COL24A1: variants seen among roughly 807,000 people sequenced by gnomAD.
The protein encoded by COL24A1 is collagen type XXIV alpha 1 chain, also known as collagen alpha-1(XXIV) chain.
A neutral mutation model predicts 253.9 loss-of-function variants in COL24A1; 224 were observed. The ratio of observed to expected loss-of-function variants is 0.88; its 90% CI spans 0.79 to 0.99. COL24A1 has a LOEUF of 0.99. Ranked by LOEUF, COL24A1 falls within the 50% of genes least tolerant of loss-of-function variation. The pLI, the probability that COL24A1 is intolerant of heterozygous loss-of-function variation, is 0.00. For synonymous variants in COL24A1, 685 were observed against 673.7 expected (o/e 1.02, Z -0.26); for missense variants, 2,131 against 2,068.5 (o/e 1.03, Z -0.59).
At chr1:85,767,690 C>A (rs1667523836) in intron 53 of COL24A1, among the ~76,000 whole-genome samples, 1 of 151,920 alleles carries the variant, frequency 6.6e-6, no homozygotes, top group African/African-American at 2.4e-5. Flanking sequence ...CTAAATGCCA[C>A]TGTGCCTATT....
rs535351189 is a variant in COL24A1, at chr1:85,987,259, T to C, written c.2364+342A>G. Among the ~76,000 whole-genome samples, 3 of 151,978 alleles carry C rather than the reference T, an allele frequency of 2.0e-5. No homozygotes were observed. The East Asian group carries it at 5.8e-4, about 29-fold the overall frequency. ...CTTTTATTTCAATCAATGGATATCTTATGTCCCCAAAAGATTTTTTTAGTG... is the reference window on the plus strand; with the variant it reads ...CTTTTATTTCAATCAATGGATATCTCATGTCCCCAAAAGATTTTTTTAGTG... On this transcript the variant is annotated intron_variant, in intron 20 of 59. Transcript: ENST00000370571.
chr1:85,971,314 C>G (rs757842097), intron 21 of COL24A1, 26 bp downstream of exon 21: 1 of 1,602,128 alleles, frequency 6.2e-7, no homozygotes, highest in South Asian at 1.1e-5. Flanking sequence ...CTTGCTGAAG[C>G]TGACTGGATA....
intron 37 of COL24A1, among the ~76,000 whole-genome samples, chr1:85,854,121 A>G (rs909263505): frequency 5.3e-5 from 8 of 152,206 alleles, no homozygotes; most frequent in African/African-American, 1.9e-4. Flanking sequence ...CATTTAATCC[A>G]TCTTAAATTG....
intron 24 of COL24A1, among the ~76,000 whole-genome samples, chr1:85,933,346 G>T (rs1687971708): frequency 6.9e-6 from 1 of 145,486 alleles, no homozygotes; most frequent in South Asian, 2.1e-4. Flanking sequence ...CTACGTTTTT[G>T]CTGTGTTTCA....
At chr1:86,049,485 C>T (rs1459546357) in intron 11 of COL24A1, among the ~76,000 whole-genome samples, 1 of 152,082 alleles carries the variant, frequency 6.6e-6, no homozygotes, top group Non-Finnish European at 1.5e-5. Flanking sequence ...TGACAATCTA[C>T]TAATATTGTT....
chr1:86,127,089 A>C (rs1289280761), intron 2 of COL24A1, among the ~76,000 whole-genome samples: 1 of 152,066 alleles, frequency 6.6e-6, no homozygotes, highest in Non-Finnish European at 1.5e-5. Context: ...CGCTTAAAGT[A>C]TTCTGGTTAC....
In COL24A1 at chr1:86,022,950, A is replaced by G; in HGVS notation, c.2103+4T>C. On this transcript the variant is annotated splice_donor_region_variant and intron_variant, in intron 15 of 59. Transcript: ENST00000370571. ...AAATATCCATTATACAAATAGAACC[A>G]TACCATTGGGCCAGGAATTCCAGCA... 1 of 1,613,324 alleles carries G rather than the reference A, an allele frequency of 6.2e-7. No homozygotes were observed. Among genetic ancestry groups the G allele is most frequent in the Non-Finnish European group, 8.5e-7 (1 of 1,179,526 alleles).
intron 1 of COL24A1, among the ~76,000 whole-genome samples, chr1:86,152,999 T>TCTCCAG (rs1004141719): frequency 6.6e-6 from 1 of 152,178 alleles, no homozygotes; most frequent in Non-Finnish European, 1.5e-5. Context: ...TCTGTTTATC[T>TCTCCAG]CTCCAGCTCC....
intron 57 of COL24A1, among the ~76,000 whole-genome samples, chr1:85,739,818 G>T (rs905004786): frequency 6.6e-6 from 1 of 151,500 alleles, no homozygotes; most frequent in Non-Finnish European, 1.5e-5. Context: ...CCCTACCCTC[G>T]TACCTTACTT....
chr1:86,004,389 A>AG (rs144407288), intron 19 of COL24A1, among the ~76,000 whole-genome samples: 1,651 of 152,286 alleles, frequency 0.011, 42 homozygotes, highest in African/African-American at 0.037. Context: ...TTTACATTGA[A>AG]GGAGGGGCAA....
intron 31 of COL24A1, among the ~76,000 whole-genome samples, chr1:85,889,844 G>A (rs555400203): frequency 9.2e-5 from 14 of 151,460 alleles, no homozygotes; most frequent in African/African-American, 1.9e-4. Flanking sequence ...TTGTGTAACC[G>A]TTACCAGAAC....
At chr1:86,068,316 C>A (rs541589337) in intron 7 of COL24A1, among the ~76,000 whole-genome samples, 1 of 152,336 alleles carries the variant, frequency 6.6e-6, no homozygotes, top group South Asian at 2.1e-4. Context: ...CCCCTGGCAG[C>A]AGCCCTGCAG....
intron 53 of COL24A1, among the ~76,000 whole-genome samples, chr1:85,766,368 C>CAAAAAAAAAAAAAAAAAAAAAAAA (rs1319642983): frequency 3.0e-5 from 2 of 66,292 alleles, no homozygotes; most frequent in East Asian, 5.5e-4. Context: ...GACTCTGTCT[C>CAAAAAAAAAAAAAAAAAAAAAAAA]AAAAAAAAAA....
chr1:85,816,991 T>A (rs1673108381), intron 46 of COL24A1, 96 bp from the exon 47 acceptor site: 11 of 937,676 alleles, frequency 1.2e-5, no homozygotes, highest in Non-Finnish European at 1.6e-5. Flanking sequence ...AGTTTACATT[T>A]TTATATTTTG....
intron 19 of COL24A1, among the ~76,000 whole-genome samples, chr1:85,997,082 C>T (rs1258431387): frequency 5.9e-5 from 4 of 68,356 alleles, no homozygotes; most frequent in Admixed American, 1.4e-4. Flanking sequence ...TATATATATA[C>T]CAGTTAGTAG....
chr1:85,871,369 C>G (rs1243880274), intron 35 of COL24A1, among the ~76,000 whole-genome samples: 1 of 152,174 alleles, frequency 6.6e-6, no homozygotes, highest in African/African-American at 2.4e-5. Context: ...ATCCTGATAC[C>G]AAAGCCTGGC....
At chr1:85,948,391 G>A (rs936599994) in intron 24 of COL24A1, among the ~76,000 whole-genome samples, 1 of 150,930 alleles carries the variant, frequency 6.6e-6, no homozygotes, top group South Asian at 2.1e-4. Flanking sequence ...GGGCGTGGTA[G>A]CGGGCGCCTG....
At chr1:86,059,285 T>C (rs2101747580) in intron 8 of COL24A1, 111 bp from the exon 9 acceptor site, 2 of 640,726 alleles carry the variant, frequency 3.1e-6, no homozygotes, top group East Asian at 3.2e-5. Flanking sequence ...TACGGAGTCC[T>C]ACACATGGCT....
At chr1:86,099,369 C>A (rs1027778667) in intron 5 of COL24A1, among the ~76,000 whole-genome samples, 2 of 151,908 alleles carry the variant, frequency 1.3e-5, no homozygotes, top group African/African-American at 4.8e-5. Context: ...ATAAAATAAG[C>A]AGAAGGAAGA....
Sources: gnomAD v4.1 joint callset for allele counts (sites outside exome capture counted in the v4.1 genomes callset) on GRCh38, gnomAD v4.1.1 for gene constraint, MANE v1.5 for transcripts, NCBI Gene and HGNC (gene_info 2026-07-23, HGNC 2026-07-21) for gene names.